PARD3B: variants seen among roughly 807,000 people sequenced by gnomAD.
PARD3B encodes the protein par-3 family cell polarity regulator beta, also known as partitioning defective 3 homolog B.
A neutral mutation model predicts 130.2 loss-of-function variants in PARD3B; 103 were observed. The observed-to-expected ratio is 0.79, with a 90% CI of 0.67 to 0.93. The LOEUF (loss-of-function observed/expected upper bound fraction) is 0.93. Ranked by LOEUF, PARD3B falls within the 40% of genes least tolerant of loss-of-function variation. The pLI, the probability that PARD3B is intolerant of heterozygous loss-of-function variation, is 0.00. For synonymous variants in PARD3B, 583 were observed against 553.2 expected, an observed-to-expected ratio of 1.05 and a Z score of -0.76; for missense variants, 1,609 against 1,499.2, an observed-to-expected ratio of 1.07 and a Z score of -1.21.
In PARD3B at chr2:205,057,588, C is replaced by T. The variant is rs540803588; in HGVS notation, c.504+9898C>T. 2.4e-3 allele frequency among the ~76,000 whole-genome samples: 254 copies of T among 106,166 alleles called. 7 individuals carry two copies. The highest frequency in any genetic ancestry group is 3.9e-3 in the African/African-American group (112 of 28,722). The allele number at this position is 106,166 out of a possible 152,430, so 69.6% of individuals were successfully genotyped here. ...ATATATGTATATGTGTATGTGTATACGTATATATACATATATGTGTATGTG... is the reference window on the plus strand; with the variant it reads ...ATATATGTATATGTGTATGTGTATATGTATATATACATATATGTGTATGTG... On this transcript the variant is annotated intron_variant, in intron 4 of 22. Transcript: ENST00000406610.
rs993165904 is a variant in PARD3B at position 205,241,767 on chromosome 2, C to A, written c.2141-4011C>A. Among the ~76,000 whole-genome samples, 1 of 152,066 alleles carries A rather than the reference C, an allele frequency of 6.6e-6. No individual in the cohort carries two copies. Among genetic ancestry groups the A allele is most frequent in the Non-Finnish European group, 1.5e-5 (1 of 67,988 alleles). ...ATTTTTCAATCTCTTGTAAATAAGT[C>A]CTTTGTTTAAAATGACACACCTGTC... On this transcript the variant is annotated intron_variant, in intron 15 of 22. Coordinates refer to ENST00000406610, the MANE Select transcript of PARD3B (RefSeq NM_001302769.2). The surrounding 1 kb of genome is among the most constrained non-coding windows in gnomAD (Gnocchi z 4.2).
intron 2 of PARD3B, among the ~76,000 whole-genome samples, chr2:204,781,232 G>A (rs1034480102): frequency 4.6e-5 from 7 of 151,948 alleles, no homozygotes; most frequent in African/African-American, 1.7e-4. Context: ...ATTTTAATCT[G>A]CCTTTTAGCT....
In PARD3B at chr2:205,257,053, A is replaced by T. The variant is rs929047500; in HGVS notation, c.2185+11231A>T. On this transcript the variant is annotated intron_variant, in intron 16 of 22. Transcript: ENST00000406610. ...TACCCATGCAATGCCATGTACAAAA[A>T]GTCCTTTTTTAGAGGCCCATGATGC... 2.0e-5 allele frequency among the ~76,000 whole-genome samples: 3 copies of T among 152,156 alleles called. No homozygotes were observed. The East Asian group carries it at 5.8e-4, about 29-fold the overall frequency.
chr2:205,310,596 C>T (rs2042346150), intron 18 of PARD3B, among the ~76,000 whole-genome samples: 1 of 151,850 alleles, frequency 6.6e-6, no homozygotes, highest in South Asian at 2.1e-4. Flanking sequence ...TGGTATTTGT[C>T]TTTCTGTGTC....
chr2:205,543,891 C>T (rs2052275630), intron 21 of PARD3B, among the ~76,000 whole-genome samples: 1 of 152,056 alleles, frequency 6.6e-6, no homozygotes, highest in Non-Finnish European at 1.5e-5. Context: ...GGAAGTATAC[C>T]TAAAATATGC....
Position 205,617,598 on chromosome 2 carries a change from G to A in PARD3B, c.*1785G>A, listed in dbSNP as rs1317168225. 1 of 152,112 alleles carries A rather than the reference G, an allele frequency of 6.6e-6. No homozygotes were observed. The highest frequency in any genetic ancestry group is 1.5e-5 in the Non-Finnish European group (1 of 68,018). The allele number at this position is 152,112 out of a possible 1,614,324, so 9.4% of individuals were successfully genotyped here. ...CTTAACTACACTTTACTATGGCCCTGTTGAAAACAGACTATCAAGTTTTTT... is the reference window on the plus strand; with the variant it reads ...CTTAACTACACTTTACTATGGCCCTATTGAAAACAGACTATCAAGTTTTTT... On this transcript the variant is annotated 3_prime_UTR_variant, in exon 23 of 23. Coordinates refer to ENST00000406610, the MANE Select transcript of PARD3B (RefSeq NM_001302769.2).
At chr2:205,588,140 T>C (rs2054263163) in intron 22 of PARD3B, among the ~76,000 whole-genome samples, 1 of 152,242 alleles carries the variant, frequency 6.6e-6, no homozygotes, top group Admixed American at 6.5e-5. Flanking sequence ...GACAGTTCTC[T>C]ATTTTCAGCC....
At chr2:204,835,165 G>A (rs976472848) in intron 2 of PARD3B, among the ~76,000 whole-genome samples, 28 of 152,188 alleles carry the variant, frequency 1.8e-4, no homozygotes, top group African/African-American at 6.8e-4. Context: ...TAAGTAATGC[G>A]CTTAATGCAC....
chr2:205,364,630 G>A (rs1187879401), intron 18 of PARD3B, among the ~76,000 whole-genome samples: 1 of 152,048 alleles, frequency 6.6e-6, no homozygotes, highest in African/African-American at 2.4e-5. Context: ...TACAAGGCAG[G>A]GTGTGATTTT....
At chr2:205,496,548 G>GT (rs969744576) in intron 20 of PARD3B, among the ~76,000 whole-genome samples, 1 of 152,098 alleles carries the variant, frequency 6.6e-6, no homozygotes, top group African/African-American at 2.4e-5. Context: ...CTGTTTTCCT[G>GT]TTTTTTCTCT....
intron 18 of PARD3B, among the ~76,000 whole-genome samples, chr2:205,317,143 T>C (rs1402098404): frequency 6.6e-6 from 1 of 152,194 alleles, no homozygotes; most frequent in Non-Finnish European, 1.5e-5. Context: ...ACATAAATGA[T>C]GGTTAAACCA....
intron 4 of PARD3B, among the ~76,000 whole-genome samples, chr2:205,075,683 CAAA>C (rs55720496): frequency 0.046 from 6,460 of 139,608 alleles, 196 homozygotes; most frequent in African/African-American, 0.093. Context: ...GCCATTCTAA[CAAA>C]AAAAAAAAAA....
intron 22 of PARD3B, among the ~76,000 whole-genome samples, chr2:205,571,961 T>G (rs1002066429): frequency 1.3e-5 from 2 of 152,200 alleles, no homozygotes; most frequent in African/African-American, 4.8e-5. Context: ...TGAAAGAAAC[T>G]AAACACATGA....
chr2:205,054,434 ATATTTTTTTTTTTT>A (rs1699489806), intron 4 of PARD3B, among the ~76,000 whole-genome samples: 1 of 29,480 alleles, frequency 3.4e-5, no homozygotes, highest in Non-Finnish European at 5.5e-5. Context: ...ATATATATAT[ATATTTTTTTTTTTT>A]TTTTTTTTTA....
chr2:204,893,701 C>T (rs2046532491), intron 2 of PARD3B, among the ~76,000 whole-genome samples: 1 of 152,068 alleles, frequency 6.6e-6, no homozygotes, highest in South Asian at 2.1e-4. Flanking sequence ...CATAGTAAGT[C>T]TTGAAAACCC....
chr2:204,823,574 A>G (rs371172504), intron 2 of PARD3B, among the ~76,000 whole-genome samples: 2 of 152,194 alleles, frequency 1.3e-5, no homozygotes, highest in Admixed American at 6.5e-5. Flanking sequence ...TTGTGGATGC[A>G]TACTGGGGAG....
intron 2 of PARD3B, among the ~76,000 whole-genome samples, chr2:204,862,139 C>T (rs572673231): frequency 2.2e-3 from 339 of 152,168 alleles, no homozygotes; most frequent in Non-Finnish European, 3.8e-3. Flanking sequence ...GAGGAATATG[C>T]CTTTTTAGTC....
At chr2:205,074,349 C>G (rs1201390347) in intron 4 of PARD3B, among the ~76,000 whole-genome samples, 3 of 152,096 alleles carry the variant, frequency 2.0e-5, no homozygotes, top group African/African-American at 7.2e-5. Context: ...CAATGATTTT[C>G]CACTCATTTG....
intron 2 of PARD3B, among the ~76,000 whole-genome samples, chr2:204,762,830 G>A (rs1279671331): frequency 3.4e-5 from 5 of 147,996 alleles, no homozygotes; most frequent in African/African-American, 1.0e-4. Flanking sequence ...GCACGATCTC[G>A]GCTCACCACA....
Sources: gnomAD v4.1 joint callset for allele counts (sites outside exome capture counted in the v4.1 genomes callset) on GRCh38, gnomAD v4.1.1 for gene constraint, Gnocchi (gnomAD v3.1) non-coding constraint, MANE v1.5 for transcripts, NCBI Gene and HGNC (gene_info 2026-07-23, HGNC 2026-07-21) for gene names.